Variants in CLSTN1 observed in about 807,000 individuals in gnomAD.
CLSTN1 encodes the protein calsyntenin-1.
Under a neutral mutation model 108.3 loss-of-function variants are expected in CLSTN1, and 28 were observed. That is an observed-to-expected ratio of 0.26 (90% confidence interval 0.19 to 0.35). The LOEUF (loss-of-function observed/expected upper bound fraction) is 0.35, where lower values mean the gene tolerates loss of function less well. Among genes scored for constraint, CLSTN1 ranks in the 10% least tolerant of loss-of-function variants. CLSTN1 has a pLI of 1.00. For missense variants in CLSTN1, 1,157 were observed against 1,302.6 expected, an observed-to-expected ratio of 0.89 and a Z score of 1.72; for synonymous variants, 524 against 534.9, an observed-to-expected ratio of 0.98 and a Z score of 0.28.
intron 1 of CLSTN1, among the ~76,000 whole-genome samples, chr1:9,804,826 T>G (rs953362274): frequency 4.6e-5 from 7 of 151,190 alleles, no homozygotes; most frequent in African/African-American, 1.7e-4. Flanking sequence ...AGTGAGACCC[T>G]GTCTTAAAAA....
intron 10 of CLSTN1, among the ~76,000 whole-genome samples, chr1:9,739,879 C>T (rs1650887665): frequency 6.9e-6 from 1 of 144,016 alleles, no homozygotes; most frequent in African/African-American, 2.6e-5. Flanking sequence ...TGCAGTGGTG[C>T]TATCTCGGCT....
intron 7 of CLSTN1, among the ~76,000 whole-genome samples, chr1:9,746,733 C>T (rs1651286137): frequency 6.7e-6 from 1 of 150,302 alleles, no homozygotes; most frequent in Non-Finnish European, 1.5e-5. Context: ...AAAAACCACA[C>T]ACACACACTA....
chr1:9,818,849 C>T lies in CLSTN1; in HGVS notation c.91+4794G>A, dbSNP rs1428622914. 3.0e-5 allele frequency among the ~76,000 whole-genome samples: 4 copies of T among 132,088 alleles called. No individual in the cohort carries two copies. The East Asian group carries it at 9.1e-4, about 30-fold the overall frequency. 86.7% of individuals were successfully genotyped at this position (132,088 alleles called of 152,430 possible). A position where few individuals can be genotyped will look rare whatever the true frequency, so the allele number is the denominator to read the frequency against. The stretch of plus-strand genomic sequence containing the variant: ...TCGCCCAGGCTGGAGTGCAGTGGCG[C>T]GATCTCGGCTCACTGCAAGCTCCAC... On this transcript the variant is annotated intron_variant, in intron 1 of 18. Transcript: ENST00000377298.
At chr1:9,790,736 G>A (rs1653724564) in intron 1 of CLSTN1, among the ~76,000 whole-genome samples, 1 of 151,358 alleles carries the variant, frequency 6.6e-6, no homozygotes, top group Admixed American at 6.7e-5. Flanking sequence ...GGCTAATCTA[G>A]CGGATTCAGC....
chr1:9,773,369 C>T lies in CLSTN1; in HGVS notation c.117G>A (p.Glu39=), dbSNP rs763150410. Residue 39 remains glutamate (E), a synonymous_variant, in exon 2 of 19, where the codon GAG becomes GAA. Coordinates refer to ENST00000377298, the MANE Select transcript of CLSTN1 (RefSeq NM_001009566.3). Reference sequence around the variant, plus strand: ...CTGTGACTATGCCGTGGTAGGTGGGCTCCAGCCAGGGCTTGTGCTTGTTAA... The same window carrying T: ...CTGTGACTATGCCGTGGTAGGTGGGTTCCAGCCAGGGCTTGTGCTTGTTAA... ...ARVNKHKPWL[E]PTYHGIVTEN... 5 of 1,613,644 alleles carry T rather than the reference C, an allele frequency of 3.1e-6. No homozygotes were observed. In the East Asian group the frequency reaches 6.7e-5, roughly 22 times the overall value.
intron 1 of CLSTN1, among the ~76,000 whole-genome samples, chr1:9,804,404 C>G (rs1015160082): frequency 1.3e-5 from 2 of 150,396 alleles, no homozygotes; most frequent in South Asian, 4.2e-4. Context: ...AATCCACAAG[C>G]ACGCAGATCC....
In CLSTN1 at chr1:9,812,455, G is replaced by C. The variant is rs76274792; in HGVS notation, c.91+11188C>G. Among the ~76,000 whole-genome samples the C allele has an allele frequency of 8.1e-3, 1,236 of 152,256 alleles. 15 individuals are homozygous for C. Among genetic ancestry groups the C allele is most frequent in the Middle Eastern group, 0.031 (9 of 294 alleles). On this transcript the variant is annotated intron_variant, in intron 1 of 18. Transcript: ENST00000377298. The stretch of plus-strand genomic sequence containing the variant: ...ATCTCAGGCCCTGGGCCCACAATTT[G>C]ACTATTAATACTCTGTCATCTAGTT...
Position 9,743,976 on chromosome 1 carries a change from C to T in CLSTN1, c.1264G>A (p.Val422Ile), listed in dbSNP as rs965666257. Residue 422 changes from valine to isoleucine, a missense_variant, in exon 9 of 19, where the codon GTC becomes ATC. Val to Ile is a conservative substitution (Grantham distance 29). Transcript: ENST00000377298. ...DMNRHHYSLY[V>I]HGCRLIFLFR... The stretch of plus-strand genomic sequence containing the variant: ...AGGAAGATCAGCCGGCACCCGTGGA[C>T]ATAGAGGGAGTAGTGGTGCCGATTC... The T allele has an allele frequency of 6.2e-7, 1 of 1,614,150 alleles. No homozygotes were observed. The highest frequency in any genetic ancestry group is 1.3e-5 in the African/African-American group (1 of 75,048).
intron 2 of CLSTN1, among the ~76,000 whole-genome samples, chr1:9,771,338 G>A (rs975954068): frequency 2.0e-5 from 3 of 152,080 alleles, no homozygotes; most frequent in African/African-American, 4.8e-5. Flanking sequence ...AAATTAGGAC[G>A]GGCATGGTGG....
chr1:9,743,866 C>A lies in CLSTN1; in HGVS notation c.1356+18G>T, dbSNP rs371487658. 14 of 1,613,272 alleles carry A rather than the reference C, an allele frequency of 8.7e-6. No individual in the cohort carries two copies. In the African/African-American group the frequency reaches 9.4e-5, roughly 11 times the overall value. ...AGCACCTTGCCCGGCCCTATTAGTG[C>A]GTTTTCAATTCACTCACCTGATTCA... On this transcript the variant is annotated intron_variant, in intron 9 of 18. Coordinates refer to ENST00000377298, the MANE Select transcript of CLSTN1 (RefSeq NM_001009566.3).
At chr1:9,731,917 A>G in intron 16 of CLSTN1, 21 bp from the exon 17 acceptor site, 1 of 1,613,920 alleles carries the variant, frequency 6.2e-7, no homozygotes, top group Non-Finnish European at 8.5e-7. Context: ...GAAAGAGAGG[A>G]TCGCTGGAGA....
chr1:9,799,125 G>A (rs1354622288), intron 1 of CLSTN1, among the ~76,000 whole-genome samples: 1 of 152,118 alleles, frequency 6.6e-6, no homozygotes, highest in East Asian at 1.9e-4. Flanking sequence ...AGGATCCAGT[G>A]AGCCCTGATC....
intron 7 of CLSTN1, among the ~76,000 whole-genome samples, chr1:9,745,226 C>T (rs1392085717): frequency 1.3e-5 from 1 of 77,060 alleles, no homozygotes; most frequent in Non-Finnish European, 2.3e-5. Context: ...GAGACTCCGT[C>T]TCAAAAAAAA....
intron 1 of CLSTN1, among the ~76,000 whole-genome samples, chr1:9,777,165 A>G (rs1212835087): frequency 6.7e-6 from 1 of 148,536 alleles, no homozygotes; most frequent in Non-Finnish European, 1.5e-5. Context: ...GGTTGCAGTG[A>G]GCCAAGATTG....
At chr1:9,774,565 CAAA>C (rs556680637) in intron 1 of CLSTN1, among the ~76,000 whole-genome samples, 1 of 139,160 alleles carries the variant, frequency 7.2e-6, no homozygotes, top group Non-Finnish European at 1.6e-5. Context: ...GACTCCGCCT[CAAA>C]AAAAAAAAAA....
intron 12 of CLSTN1, 22 bp downstream of exon 12, chr1:9,735,863 G>A: frequency 6.2e-7 from 1 of 1,613,468 alleles, no homozygotes; most frequent in Admixed American, 1.7e-5. Context: ...TGAGTGGTGT[G>A]CAGTCGAGCG....
chr1:9,793,867 C>T (rs1192100983), intron 1 of CLSTN1, among the ~76,000 whole-genome samples: 2 of 151,490 alleles, frequency 1.3e-5, no homozygotes, highest in African/African-American at 4.8e-5. Flanking sequence ...TTCAGTGGTA[C>T]CCACTGCCTT....
At chr1:9,794,714 T>A (rs78126506) in intron 1 of CLSTN1, among the ~76,000 whole-genome samples, 2 of 151,486 alleles carry the variant, frequency 1.3e-5, no homozygotes, top group South Asian at 4.3e-4. Context: ...TCAGAAAATA[T>A]GGGCTAGGTC....
At chr1:9,732,562 A>C (rs1175046416) in intron 16 of CLSTN1, among the ~76,000 whole-genome samples, 2 of 152,212 alleles carry the variant, frequency 1.3e-5, no homozygotes, top group African/African-American at 4.8e-5. Flanking sequence ...CAAACAAAAC[A>C]GGCACCGAAT....
Sources: gnomAD v4.1 joint callset for allele counts (sites outside exome capture counted in the v4.1 genomes callset) on GRCh38, gnomAD v4.1.1 for gene constraint, MANE v1.5 for transcripts, NCBI Gene and HGNC (gene_info 2026-07-23, HGNC 2026-07-21) for gene names.